HPS4: variants seen among roughly 807,000 people sequenced by gnomAD.
HPS4 encodes BLOC-3 complex member HPS4.
A neutral mutation model predicts 70.3 loss-of-function variants in HPS4; 44 were observed. The ratio of observed to expected loss-of-function variants is 0.63; its 90% CI spans 0.49 to 0.80. The LOEUF is 0.80. Among genes scored for constraint, HPS4 ranks in the 30% least tolerant of loss-of-function variants. The probability of loss-of-function intolerance (pLI) is 0.00; values close to 1 mark genes in which losing one functional copy is unlikely to be tolerated. For synonymous variants in HPS4, 377 were observed against 355.9 expected, an observed-to-expected ratio of 1.06 and a Z score of -0.67; for missense variants, 873 against 884.4, an observed-to-expected ratio of 0.99 and a Z score of 0.16.
At chr22:26,457,753 AATGTTT>A (rs771328278) in intron 13 of HPS4, 100 bp downstream of exon 13, 94 of 805,572 alleles carry the variant, frequency 1.2e-4, no homozygotes, top group Non-Finnish European at 7.3e-5. Context: ...GAGTAACTAG[AATGTTT>A]TTCATCTACT....
At position 26,452,389 on chromosome 22, in the gene HPS4, C is replaced by A; in HGVS notation, c.*844G>T. 2.2e-6 allele frequency: 1 copy of A among 456,370 alleles called. No individual in the cohort carries two copies. Among genetic ancestry groups the A allele is most frequent in the South Asian group, 1.6e-5 (1 of 64,478 alleles). 28.3% of individuals were successfully genotyped at this position (456,370 alleles called of 1,614,324 possible). ...CACACAGCTGAGTGTCGCTCCCTTT[C>A]ACGCAGCCACCACTGAAAAGCACAG... On this transcript the variant is annotated 3_prime_UTR_variant, in exon 14 of 14. Coordinates refer to ENST00000398145, the MANE Select transcript of HPS4 (RefSeq NM_022081.6).
At chr22:26,477,249 T>C in intron 3 of HPS4, 113 bp from the exon 4 acceptor site, 4 of 1,070,002 alleles carry the variant, frequency 3.7e-6, no homozygotes, top group Non-Finnish European at 5.7e-6. Context: ...CCCGTTTTCC[T>C]ATGGCCTGTA....
intron 1 of HPS4, among the ~76,000 whole-genome samples, chr22:26,483,289 T>C (rs955262101): frequency 6.6e-6 from 1 of 152,190 alleles, no homozygotes; most frequent in Non-Finnish European, 1.5e-5. Flanking sequence ...CTCTTATCTC[T>C]GAAAGGTCCA....
At chr22:26,453,546 T>A in intron 13 of HPS4, 142 bp from the exon 14 acceptor site, 1 of 849,450 alleles carries the variant, frequency 1.2e-6, no homozygotes, top group South Asian at 1.4e-5. Context: ...CGGAATTCTA[T>A]TTCTTCAGCT....
chr22:26,475,977 A>T (rs956196229), intron 4 of HPS4: 3 of 152,124 alleles, frequency 2.0e-5, no homozygotes, highest in African/African-American at 7.2e-5. Flanking sequence ...TGGGAGGCGG[A>T]GGTTGCAGTA....
At position 26,477,119 on chromosome 22, in the gene HPS4, C is replaced by T. The variant is rs577190408; in HGVS notation, c.150G>A (p.Gln50=). The T allele has an allele frequency of 8.1e-6, 13 of 1,614,210 alleles. No homozygotes were observed. In the African/African-American group the frequency reaches 1.5e-4, roughly 18 times the overall value. ...CAGCAATCTGTCCACAAAGCAACTC[C>T]TGTTGGTCTAGCAGGGTCTGTGGGA... ...FYPSQTLLDQ[Q]ELLCGQIAGV... is the part of the protein sequence containing the mutation. The change falls in exon 4 of 14, where the codon CAG becomes CAA. Residue 50 remains glutamine, a synonymous_variant. Transcript: ENST00000398145.
intron 7 of HPS4, 81 bp downstream of exon 7, chr22:26,470,638 C>T (rs1213706748): frequency 7.2e-6 from 10 of 1,382,736 alleles, no homozygotes; most frequent in Non-Finnish European, 2.0e-6. Context: ...ACTGGGCTCC[C>T]CACTGTGATC....
intron 8 of HPS4, chr22:26,466,746 C>T (rs1368971381): frequency 5.3e-6 from 1 of 188,022 alleles, no homozygotes; most frequent in Non-Finnish European, 1.1e-5. Flanking sequence ...CTCGTTTGTT[C>T]TGGTTCACAA....
intron 13 of HPS4, among the ~76,000 whole-genome samples, chr22:26,457,390 G>C (rs963297408): frequency 6.6e-6 from 1 of 151,810 alleles, no homozygotes; most frequent in Non-Finnish European, 1.5e-5. Flanking sequence ...CTAATTTTTT[G>C]TATTTTTAGT....
chr22:26,461,776 TAACA>T (rs1468149718), intron 11 of HPS4, among the ~76,000 whole-genome samples: 1 of 152,142 alleles, frequency 6.6e-6, no homozygotes, highest in South Asian at 2.1e-4. Flanking sequence ...TGGGTCTGAT[TAACA>T]AACCCACTCT....
chr22:26,466,070 A>T, intron 9 of HPS4, 156 bp downstream of exon 9: 2 of 1,561,874 alleles, frequency 1.3e-6, no homozygotes, highest in South Asian at 2.3e-5. Context: ...TCTGGTGGGT[A>T]ACTCGATTCT....
chr22:26,470,534 T>G (rs1350019532), intron 7 of HPS4, among the ~76,000 whole-genome samples, 185 bp downstream of exon 7: 1 of 152,222 alleles, frequency 6.6e-6, no homozygotes, highest in East Asian at 1.9e-4. Context: ...TTCTCAGCTT[T>G]GCTCAAAGAC....
chr22:26,468,186 A>C (rs963998177), intron 8 of HPS4: 2 of 307,324 alleles, frequency 6.5e-6, no homozygotes, highest in Non-Finnish European at 1.3e-5. Context: ...TACAGGTGTG[A>C]ACCACCGTGC....
chr22:26,468,605 G>C lies in HPS4; in HGVS notation c.615C>G (p.Leu205=), dbSNP rs1444292220. ...LYKGLIVSTQ[L]PPSLTAKVLL... ...GGACCTTGGCGGTGAGGGAGGGCGG[G>C]AGTTGGGTGCTGACAATCCTAGGAG... Residue 205 remains leucine (L), a synonymous_variant, in exon 8 of 14, where the codon CTC becomes CTG. Transcript: ENST00000398145. The C allele has an allele frequency of 5.6e-6, 9 of 1,611,750 alleles. No individual in the cohort carries two copies. Among genetic ancestry groups the C allele is most frequent in the Admixed American group, 5.0e-5 (3 of 59,972 alleles).
downstream of HPS4, among the ~76,000 whole-genome samples, chr22:26,446,214 C>T (rs1299301456): frequency 2.0e-5 from 3 of 152,130 alleles, no homozygotes; most frequent in African/African-American, 7.2e-5. Context: ...TCCCTCTGTT[C>T]CCATGTACTC....
chr22:26,479,193 C>T (rs1266837669), intron 3 of HPS4, 72 bp downstream of exon 3: 15 of 1,447,918 alleles, frequency 1.0e-5, no homozygotes, highest in Non-Finnish European at 1.4e-5. Flanking sequence ...AATGTAAACC[C>T]CATACTTTTG....
chr22:26,476,910 T>C, intron 4 of HPS4, 83 bp downstream of exon 4: 1 of 1,490,302 alleles, frequency 6.7e-7, no homozygotes, highest in Non-Finnish European at 9.3e-7. Context: ...GGCAGATAAT[T>C]CTAAATTCAA....
At chr22:26,481,640 C>A (rs2091298624) in intron 2 of HPS4, 82 bp downstream of exon 2, 1 of 1,293,166 alleles carries the variant, frequency 7.7e-7, no homozygotes, top group Non-Finnish European at 1.1e-6. Context: ...TTAACACAAT[C>A]TGGCTGGGGA....
In HPS4 at chr22:26,479,598, G is replaced by C. The variant is rs933624062; in HGVS notation, c.42-243C>G. On this transcript the variant is annotated intron_variant, in intron 2 of 13. Coordinates refer to ENST00000398145, the MANE Select transcript of HPS4 (RefSeq NM_022081.6). ...TTAGACCATCTGCCGGAGAAGACAC[G>C]AGTAGCTAGAAAAAAAAACGAGGCG... is the stretch of plus-strand genomic sequence containing the variant. 2.2e-6 allele frequency: 3 copies of C among 1,343,410 alleles called. No homozygotes were observed. In the East Asian group the frequency reaches 8.7e-5, roughly 39 times the overall value. The allele number at this position is 1,343,410 out of a possible 1,614,324, so 83.2% of individuals were successfully genotyped here.
Sources: allele counts gnomAD v4.1 joint callset (sites outside exome capture counted in the v4.1 genomes callset), GRCh38; gene constraint gnomAD v4.1.1; transcripts MANE v1.5; gene names NCBI Gene and HGNC (gene_info 2026-07-23, HGNC 2026-07-21).